The following GPC6 variants were observed in gnomAD, a reference collection of about 807,000 sequenced individuals.
The protein encoded by GPC6 is glypican 6, also known as glypican-6.
A neutral mutation model predicts 55.2 loss-of-function variants in GPC6; 14 were observed. The observed-to-expected ratio is 0.25, with a 90% confidence interval of 0.17 to 0.40. The LOEUF (loss-of-function observed/expected upper bound fraction) is 0.40. GPC6 is among the 10% of genes least tolerant of loss of function. The probability of loss-of-function intolerance (pLI) is 1.00; values close to 1 mark genes in which losing one functional copy is unlikely to be tolerated. For synonymous variants in GPC6, 278 were observed against 259.6 expected (o/e 1.07, Z -0.68); for missense variants, 641 against 708.5 (o/e 0.90, Z 1.08).
At chr13:93,353,471 A>G (rs892126885) in intron 1 of GPC6, among the ~76,000 whole-genome samples, 1 of 152,186 alleles carries the variant, frequency 6.6e-6, no homozygotes, top group African/African-American at 2.4e-5. Context: ...GAACTCATGA[A>G]CTTCTCGTGA....
At chr13:93,241,858 A>G (rs532774400) in intron 1 of GPC6, among the ~76,000 whole-genome samples, 1 of 151,326 alleles carries the variant, frequency 6.6e-6, no homozygotes, top group Non-Finnish European at 1.5e-5. Flanking sequence ...GGATGTAACT[A>G]TAATGTGTAT....
chr13:93,762,026 C>A (rs1884969888), intron 2 of GPC6, among the ~76,000 whole-genome samples: 1 of 152,172 alleles, frequency 6.6e-6, no homozygotes, highest in African/African-American at 2.4e-5. Flanking sequence ...CATTGACTCT[C>A]CTTTTCCCCT....
Position 94,306,094 on chromosome 13 carries a change from A to G in GPC6, c.1123A>G (p.Thr375Ala). ...RPYNPEERPTTAAGTSLDRLV... is the reference protein window; with the variant it reads ...RPYNPEERPTAAAGTSLDRLV... ...CTACAATCCTGAGGAAAGACCAACA[A>G]CTGCTGCAGGCACAAGCTTGGACCG... The change falls in exon 6 of 9, where the codon ACT (threonine) becomes GCT (alanine). Residue 375 changes from threonine (T) to alanine (A), a missense_variant. Transcript: ENST00000377047. The G allele has an allele frequency of 1.2e-6, 2 of 1,614,212 alleles. No individual in the cohort carries two copies. Among genetic ancestry groups the G allele is most frequent in the South Asian group, 2.2e-5 (2 of 91,078 alleles).
chr13:93,518,120 C>A (rs980355917), intron 1 of GPC6, among the ~76,000 whole-genome samples: 1 of 151,732 alleles, frequency 6.6e-6, no homozygotes, highest in Admixed American at 6.6e-5. Flanking sequence ...AAAGTTGATT[C>A]TTTTAAAGGA....
At chr13:94,214,627 T>C (rs1386298796) in intron 4 of GPC6, among the ~76,000 whole-genome samples, 1 of 152,152 alleles carries the variant, frequency 6.6e-6, no homozygotes, top group Admixed American at 6.5e-5. Context: ...CCTCTATCTA[T>C]TTACATGGAT....
At chr13:94,019,598 ATCT>A (rs976656858) in intron 3 of GPC6, among the ~76,000 whole-genome samples, 10 of 151,904 alleles carry the variant, frequency 6.6e-5, no homozygotes, top group Admixed American at 3.9e-4. Context: ...TCTTCACATC[ATCT>A]TCTTCTTTGT....
chr13:93,413,501 A>G (rs949086493), intron 1 of GPC6, among the ~76,000 whole-genome samples: 1 of 151,416 alleles, frequency 6.6e-6, no homozygotes, highest in Non-Finnish European at 1.5e-5. Flanking sequence ...ACATAAGTGG[A>G]CCCTTATTTA....
In GPC6 at chr13:93,368,390, GTCCTTCCT is replaced by G. The variant is rs1168320888; in HGVS notation, c.160+140794_160+140801del. On this transcript the variant is annotated intron_variant, in intron 1 of 8. Transcript: ENST00000377047. The stretch of plus-strand genomic sequence containing the variant: ...CTTCCTTCCTTCCTTCCTTCCTTCC[GTCCTTCCT>G]TCCTTCCTTCCTTCCTTCCATCCTT... Among the ~76,000 whole-genome samples the G allele has an allele frequency of 6.7e-3, 377 of 56,300 alleles. 3 individuals are homozygous for G. Among genetic ancestry groups the G allele is most frequent in the African/African-American group, 0.018 (359 of 19,668 alleles). The allele number at this position is 56,300 out of a possible 152,430, so 36.9% of individuals were successfully genotyped here.
At chr13:93,255,104 ACCTGT>A (rs1424751966) in intron 1 of GPC6, among the ~76,000 whole-genome samples, 2 of 152,216 alleles carry the variant, frequency 1.3e-5, no homozygotes, top group Non-Finnish European at 2.9e-5. Flanking sequence ...AGCAGCAGAC[ACCTGT>A]CCTTTCAGAA....
intron 6 of GPC6, among the ~76,000 whole-genome samples, chr13:94,361,131 G>A (rs1418941999): frequency 6.6e-6 from 1 of 152,138 alleles, no homozygotes; most frequent in Non-Finnish European, 1.5e-5. Context: ...CAAATTGGAG[G>A]CAATTATGGA....
chr13:94,363,456 A>AG (rs1879150066), intron 6 of GPC6, among the ~76,000 whole-genome samples: 1 of 152,218 alleles, frequency 6.6e-6, no homozygotes, highest in Non-Finnish European at 1.5e-5. Context: ...GGTATGGAGC[A>AG]GGGGCAGGAG....
At chr13:94,134,711 T>A (rs1204548638) in intron 4 of GPC6, among the ~76,000 whole-genome samples, 1 of 152,154 alleles carries the variant, frequency 6.6e-6, no homozygotes, top group East Asian at 1.9e-4. Context: ...AGTATTGCAT[T>A]TTTTCTAAGG....
intron 6 of GPC6, among the ~76,000 whole-genome samples, chr13:94,335,474 A>C (rs115940406): frequency 5.3e-5 from 8 of 152,338 alleles, no homozygotes; most frequent in African/African-American, 9.6e-5. Context: ...ACCTTTACGA[A>C]TAACACACAT....
chr13:94,026,624 A>G (rs2138719310), intron 3 of GPC6, among the ~76,000 whole-genome samples: 1 of 152,280 alleles, frequency 6.6e-6, no homozygotes, highest in South Asian at 2.1e-4. Context: ...TTTGGTCTCC[A>G]CTATCTTGTA....
At chr13:93,988,657 G>A (rs1344689790) in intron 3 of GPC6, among the ~76,000 whole-genome samples, 2 of 151,922 alleles carry the variant, frequency 1.3e-5, no homozygotes, top group Non-Finnish European at 2.9e-5. Flanking sequence ...TCTTTTACAA[G>A]GGCACTAATC....
chr13:93,838,929 T>C (rs1397102759), intron 3 of GPC6, among the ~76,000 whole-genome samples: 1 of 152,132 alleles, frequency 6.6e-6, no homozygotes. Flanking sequence ...AACATTTATC[T>C]AGAGAAAGAA....
intron 3 of GPC6, among the ~76,000 whole-genome samples, chr13:93,839,237 G>A (rs1251209346): frequency 3.3e-5 from 5 of 152,092 alleles, no homozygotes; most frequent in Non-Finnish European, 5.9e-5. Context: ...CTAGAACAAG[G>A]TGTGCAAAGC....
intron 1 of GPC6, among the ~76,000 whole-genome samples, chr13:93,377,730 T>C (rs773866088): frequency 9.2e-5 from 14 of 152,314 alleles, no homozygotes; most frequent in African/African-American, 3.4e-4. Context: ...TCCTCTGTTA[T>C]GATCTTACCA....
At chr13:93,664,058 T>C (rs1881034774) in intron 2 of GPC6, among the ~76,000 whole-genome samples, 1 of 152,246 alleles carries the variant, frequency 6.6e-6, no homozygotes, top group Admixed American at 6.5e-5. Context: ...AGTGTTATTT[T>C]ATATGGTTCT....
Sources: allele counts gnomAD v4.1 joint callset (sites outside exome capture counted in the v4.1 genomes callset), GRCh38; gene constraint gnomAD v4.1.1; transcripts MANE v1.5; gene names NCBI Gene and HGNC (gene_info 2026-07-23, HGNC 2026-07-21).